The following CSMD3 variants were observed in gnomAD, a reference collection of about 807,000 sequenced individuals.
CSMD3 encodes the protein CUB and sushi domain-containing protein 3.
A neutral mutation model predicts 435.2 loss-of-function variants in CSMD3; 177 were observed. The observed-to-expected ratio is 0.41, with a 90% CI of 0.36 to 0.46. The LOEUF (loss-of-function observed/expected upper bound fraction) is 0.46, where lower values mean the gene tolerates loss of function less well. Ranked by LOEUF, CSMD3 falls within the 20% of genes least tolerant of loss-of-function variation. CSMD3 has a pLI of 0.34. For missense variants in CSMD3, 4,265 were observed against 4,504.6 expected, an observed-to-expected ratio of 0.95 and a Z score of 1.52; for synonymous variants, 1,656 against 1,520.5, an observed-to-expected ratio of 1.09 and a Z score of -2.07.
chr8:112,671,846 T>A (rs528784607), intron 16 of CSMD3, among the ~76,000 whole-genome samples: 3 of 151,986 alleles, frequency 2.0e-5, no homozygotes, highest in Non-Finnish European at 4.4e-5. Context: ...AGTCAGGGGG[T>A]AGAATATTTA....
At position 112,921,721 on chromosome 8, in the gene CSMD3, A is replaced by T; in HGVS notation, c.1539T>A (p.Asp513Glu). 6.2e-7 allele frequency: 1 copy of T among 1,610,820 alleles called. No individual in the cohort carries two copies. Reference protein sequence around the residue: ...SLGSTVQFSCDEDYVLQGAKS... With the variant: ...SLGSTVQFSCEEDYVLQGAKS... ...TTGCGCCCTGTAGGACATAATCTTC[A>T]TCACAAGAGAACTGCACAGTTGATC... Residue 513 changes from aspartate (D) to glutamate (E), a missense_variant, in exon 10 of 71, where the codon GAT (aspartate) becomes GAA (glutamate). By Grantham distance (45) the Asp-to-Glu change is conservative. Around this residue, in one of 3 missense-constraint regions of CSMD3, gnomAD observed 731 missense variants for 755.4 expected, o/e 0.97. Transcript: ENST00000297405.
chr8:112,920,997 GCACACACACACACACACACA>G lies in CSMD3; in HGVS notation c.1633+610_1633+629del, dbSNP rs747366512. Among the ~76,000 whole-genome samples the G allele has an allele frequency of 6.2e-4, 71 of 114,976 alleles. No individual in the cohort carries two copies. In the South Asian group the frequency reaches 0.019, roughly 30 times the overall value. The allele number at this position is 114,976 out of a possible 152,430, so 75.4% of individuals were successfully genotyped here. A position where few individuals can be genotyped will look rare whatever the true frequency, so the allele number is the denominator to read the frequency against. ...TATATGTACACACATACGCGCGCGC[GCACACACACACACACACACA>G]CACACACACACACACACATATATAT... is the stretch of plus-strand genomic sequence containing the variant. On this transcript the variant is annotated intron_variant, in intron 10 of 70. Coordinates refer to ENST00000297405, the MANE Select transcript of CSMD3 (RefSeq NM_198123.2).
chr8:112,405,751 A>G (rs1425241029), intron 35 of CSMD3, among the ~76,000 whole-genome samples: 1 of 152,054 alleles, frequency 6.6e-6, no homozygotes, highest in Non-Finnish European at 1.5e-5. Context: ...AAATTAATTC[A>G]TATTTTCTAA....
chr8:112,604,948 ACCTT>A (rs1391312449), intron 22 of CSMD3, among the ~76,000 whole-genome samples: 141 of 152,162 alleles, frequency 9.3e-4, no homozygotes, highest in Admixed American at 2.6e-3. Context: ...AAAACAGACA[ACCTT>A]ATTAAAATAT....
At chr8:112,448,489 G>T (rs998500955) in intron 32 of CSMD3, among the ~76,000 whole-genome samples, 1 of 152,086 alleles carries the variant, frequency 6.6e-6, no homozygotes, top group African/African-American at 2.4e-5. Flanking sequence ...GAAAACAGAG[G>T]CAGTAATTAA....
chr8:113,146,872 C>T (rs1170257172), intron 4 of CSMD3, among the ~76,000 whole-genome samples: 1 of 151,550 alleles, frequency 6.6e-6, no homozygotes, highest in Non-Finnish European at 1.5e-5. Flanking sequence ...AAAAAGTGTT[C>T]CTTGCTAGTT....
At chr8:113,262,301 A>G (rs1306421435) in intron 3 of CSMD3, among the ~76,000 whole-genome samples, 3 of 152,114 alleles carry the variant, frequency 2.0e-5, no homozygotes, top group African/African-American at 7.2e-5. Flanking sequence ...TAGGTAAAGC[A>G]AAGTACATTA....
chr8:113,430,347 A>G lies in CSMD3; in HGVS notation c.178+6330T>C, dbSNP rs553974735. On this transcript the variant is annotated intron_variant, in intron 1 of 70. Transcript: ENST00000297405. Reference sequence around the variant, plus strand: ...GGTACGTAATTTATGTCATCTCCCTATAAACCCCCGATATTGTCATGTATT... The same window carrying G: ...GGTACGTAATTTATGTCATCTCCCTGTAAACCCCCGATATTGTCATGTATT... 2.6e-5 allele frequency among the ~76,000 whole-genome samples: 4 copies of G among 151,308 alleles called. No individual in the cohort carries two copies. In the South Asian group the frequency reaches 8.5e-4, roughly 32 times the overall value.
chr8:113,111,469 C>T (rs907571121), intron 4 of CSMD3, among the ~76,000 whole-genome samples: 1 of 152,030 alleles, frequency 6.6e-6, no homozygotes, highest in African/African-American at 2.4e-5. Flanking sequence ...AACTTTTTAC[C>T]TTTTAGCCAG....
chr8:112,592,977 G>C (rs1395359780), intron 22 of CSMD3, among the ~76,000 whole-genome samples: 2 of 152,152 alleles, frequency 1.3e-5, no homozygotes, highest in African/African-American at 4.8e-5. Context: ...GAAGCCACAA[G>C]AGAATTACAT....
At chr8:113,209,169 T>G (rs1275444880) in intron 3 of CSMD3, among the ~76,000 whole-genome samples, 1 of 152,166 alleles carries the variant, frequency 6.6e-6, no homozygotes, top group Non-Finnish European at 1.5e-5. Context: ...AAATTCATTA[T>G]GTGTGACACT....
intron 45 of CSMD3, among the ~76,000 whole-genome samples, chr8:112,325,923 C>A (rs1586774869): frequency 6.6e-6 from 1 of 152,028 alleles, no homozygotes; most frequent in Non-Finnish European, 1.5e-5. Flanking sequence ...TTTACACATG[C>A]AAAGCATTTG....
intron 32 of CSMD3, among the ~76,000 whole-genome samples, chr8:112,412,905 G>C (rs895546222): frequency 2.0e-5 from 3 of 152,048 alleles, no homozygotes; most frequent in African/African-American, 7.2e-5. Context: ...CCCATGAAAA[G>C]ATGTTAGGCT....
At chr8:112,547,567 C>CA (rs1417534238) in intron 27 of CSMD3, among the ~76,000 whole-genome samples, 1 of 151,882 alleles carries the variant, frequency 6.6e-6, no homozygotes, top group East Asian at 1.9e-4. Flanking sequence ...AAAAAACAAC[C>CA]AAAAAACTTC....
chr8:112,765,298 A>G (rs914158726), intron 13 of CSMD3, among the ~76,000 whole-genome samples: 2 of 151,672 alleles, frequency 1.3e-5, no homozygotes, highest in East Asian at 1.9e-4. Flanking sequence ...AAAACTACCA[A>G]TAAGAGGCTG....
chr8:112,450,526 T>C (rs1235600393), intron 32 of CSMD3, among the ~76,000 whole-genome samples: 2 of 152,164 alleles, frequency 1.3e-5, no homozygotes, highest in African/African-American at 4.8e-5. Flanking sequence ...GATTCATACA[T>C]CAGTATCTTC....
At chr8:112,384,717 A>G (rs1295624974) in intron 36 of CSMD3, among the ~76,000 whole-genome samples, 1 of 152,232 alleles carries the variant, frequency 6.6e-6, no homozygotes, top group Non-Finnish European at 1.5e-5. Flanking sequence ...GGTGAGTGCC[A>G]CATGGCAATA....
intron 31 of CSMD3, among the ~76,000 whole-genome samples, chr8:112,487,002 A>G (rs1307967249): frequency 6.6e-6 from 1 of 152,142 alleles, no homozygotes; most frequent in East Asian, 1.9e-4. Flanking sequence ...AACAGTCTAA[A>G]TATGTTTATT....
chr8:112,412,332 A>T lies in CSMD3; in HGVS notation c.5396-3300T>A, dbSNP rs549396292. 2.1e-5 allele frequency among the ~76,000 whole-genome samples: 3 copies of T among 145,096 alleles called. No individual in the cohort carries two copies. The East Asian group carries it at 6.1e-4, about 30-fold the overall frequency. ...TACAATTAACCCCAAGTCTGTGCTGATTATGCCTTTTGCATGATTAACAAG... is the reference window on the plus strand; with the variant it reads ...TACAATTAACCCCAAGTCTGTGCTGTTTATGCCTTTTGCATGATTAACAAG... On this transcript the variant is annotated intron_variant, in intron 32 of 70. Transcript: ENST00000297405.
Sources: gnomAD v4.1 joint callset for allele counts (sites outside exome capture counted in the v4.1 genomes callset) on GRCh38, gnomAD v4.1.1 for gene constraint, gnomAD v4.1.1 regional missense constraint, MANE v1.5 for transcripts, NCBI Gene and HGNC (gene_info 2026-07-23, HGNC 2026-07-21) for gene names.